Variants in FAT1 observed in about 807,000 individuals in gnomAD.
FAT1 encodes the protein FAT atypical cadherin 1.
FAT1 carries 171 observed loss-of-function variants against 329.8 expected under a neutral mutation model. That is an observed-to-expected ratio of 0.52 (90% CI 0.46 to 0.59). FAT1 has a LOEUF of 0.59. Ranked by LOEUF, FAT1 falls within the 20% of genes least tolerant of loss-of-function variation. The probability of loss-of-function intolerance (pLI) is 0.00; values close to 1 mark genes in which losing one functional copy is unlikely to be tolerated. For missense variants in FAT1, 5,672 were observed against 5,774.4 expected, an observed-to-expected ratio of 0.98 and a Z score of 0.57; for synonymous variants, 2,233 against 2,228.6, an observed-to-expected ratio of 1.00 and a Z score of -0.06.
At chr4:186,711,783 G>C (rs773879038) in intron 1 of FAT1, among the ~76,000 whole-genome samples, 15 of 152,156 alleles carry the variant, frequency 9.9e-5, no homozygotes, top group Admixed American at 2.6e-4. Flanking sequence ...AGCAGGATAT[G>C]GTGGAGCAAG....
intron 2 of FAT1, among the ~76,000 whole-genome samples, chr4:186,696,187 C>A (rs1325514590): frequency 6.6e-6 from 1 of 152,198 alleles, no homozygotes; most frequent in Non-Finnish European, 1.5e-5. Context: ...TTTCTGAAAT[C>A]AACATTCTGC....
In FAT1 at chr4:186,712,757, C is replaced by T. The variant is rs74814572; in HGVS notation, c.-18-2912G>A. 8.7e-4 allele frequency among the ~76,000 whole-genome samples: 133 copies of T among 152,180 alleles called. 1 individual carries two copies. In the East Asian group the frequency reaches 0.018, roughly 21 times the overall value. ...AGAGTGTTCAATATGATTCCTGGTC[C>T]CCACCAGCATGAAGCCTGTGGCATC... On this transcript the variant is annotated intron_variant, in intron 1 of 26. Coordinates refer to ENST00000441802, the MANE Select transcript of FAT1 (RefSeq NM_005245.4).
At chr4:186,632,033 C>A (rs1011055124) in intron 7 of FAT1, among the ~76,000 whole-genome samples, 23 of 152,112 alleles carry the variant, frequency 1.5e-4, no homozygotes, top group Admixed American at 1.3e-3. Context: ...TCTCTGCCAG[C>A]GATTAGGATA....
At chr4:186,690,318 A>G (rs1323043202) in intron 2 of FAT1, among the ~76,000 whole-genome samples, 2 of 152,228 alleles carry the variant, frequency 1.3e-5, no homozygotes, top group African/African-American at 2.4e-5. Flanking sequence ...AGATTCCAGC[A>G]TAGGTAATTT....
intron 20 of FAT1, among the ~76,000 whole-genome samples, chr4:186,602,147 C>G (rs932344862): frequency 4.6e-5 from 7 of 152,178 alleles, no homozygotes; most frequent in Admixed American, 6.5e-5. Flanking sequence ...TTAGATATCA[C>G]TTCACACCCA....
chr4:186,709,294 T>C lies in FAT1; in HGVS notation c.534A>G (p.Ile178Met), dbSNP rs1443155462. Reference sequence around the variant, plus strand: ...TGTAGTAAAATTCCCCGTTGGTTCCTATGTCTGCATCCGTGGCGCTGACTC... The same window carrying C: ...TGTAGTAAAATTCCCCGTTGGTTCCCATGTCTGCATCCGTGGCGCTGACTC... ...IARVSATDAD[I>M]GTNGEFYYSF... The change falls in exon 2 of 27, where the codon ATA becomes ATG. Residue 178 changes from isoleucine (I) to methionine (M), a missense_variant. Transcript: ENST00000441802. 6.2e-7 allele frequency: 1 copy of C among 1,613,924 alleles called. No homozygotes were observed. Among genetic ancestry groups the C allele is most frequent in the Non-Finnish European group, 8.5e-7 (1 of 1,179,912 alleles).
chr4:186,689,209 A>G (rs1380643818), intron 2 of FAT1, among the ~76,000 whole-genome samples: 1 of 152,252 alleles, frequency 6.6e-6, no homozygotes, highest in African/African-American at 2.4e-5. Flanking sequence ...TATCACTTTA[A>G]GATGTCATAT....
At chr4:186,659,112 A>T (rs1742048034) in intron 3 of FAT1, among the ~76,000 whole-genome samples, 1 of 152,002 alleles carries the variant, frequency 6.6e-6, no homozygotes, top group South Asian at 2.1e-4. Flanking sequence ...GTTTGGATAC[A>T]CAAATGTGTT....
intron 1 of FAT1, among the ~76,000 whole-genome samples, chr4:186,718,217 A>G (rs947216643): frequency 6.6e-6 from 1 of 152,062 alleles, no homozygotes; most frequent in African/African-American, 2.4e-5. Context: ...TGTTCTCTTC[A>G]CCTGTTCTCT....
In FAT1 at chr4:186,628,655, T is replaced by A; in HGVS notation, c.4432A>T (p.Ile1478Phe). 3.7e-6 allele frequency: 6 copies of A among 1,613,984 alleles called. No homozygotes were observed. Among genetic ancestry groups the A allele is most frequent in the Non-Finnish European group, 5.1e-6 (6 of 1,179,886 alleles). ...TTCTCATCCTGATCCACAGCACTGATTTGCAAAATTTCTGTTTCTGGCGCT... is the reference window on the plus strand; with the variant it reads ...TTCTCATCCTGATCCACAGCACTGAATTGCAAAATTTCTGTTTCTGGCGCT... ...DTAPETEILQISAVDQDEKNK... is the reference protein window; with the variant it reads ...DTAPETEILQFSAVDQDEKNK... Residue 1478 changes from isoleucine to phenylalanine, a missense_variant, in exon 8 of 27, where the codon ATC (isoleucine) becomes TTC (phenylalanine). Coordinates refer to ENST00000441802, the MANE Select transcript of FAT1 (RefSeq NM_005245.4).
intron 15 of FAT1, 54 bp downstream of exon 15, chr4:186,609,747 T>G (rs1236765307): frequency 2.4e-6 from 3 of 1,266,474 alleles, no homozygotes; most frequent in Non-Finnish European, 3.4e-6. Flanking sequence ...TAAAAACTTT[T>G]GCAAAGATCC....
At chr4:186,607,159 C>A (rs1283876669) in intron 16 of FAT1, among the ~76,000 whole-genome samples, 2 of 152,208 alleles carry the variant, frequency 1.3e-5, no homozygotes, top group African/African-American at 4.8e-5. Context: ...TATCTCCCCC[C>A]AAATTCCTTT....
At position 186,636,914 on chromosome 4, in the gene FAT1, C is replaced by T. The variant is rs2126565430; in HGVS notation, c.3643G>A (p.Val1215Ile). 1.3e-6 allele frequency: 2 copies of T among 1,592,394 alleles called. No homozygotes were observed. The highest frequency in any genetic ancestry group is 1.1e-5 in the South Asian group (1 of 87,580). The change falls in exon 5 of 27, where the codon GTT becomes ATT. Residue 1215 changes from valine (V) to isoleucine (I), a missense_variant and splice_region_variant. Val to Ile is a conservative substitution (Grantham distance 29, BLOSUM62 3). Coordinates refer to ENST00000441802, the MANE Select transcript of FAT1 (RefSeq NM_005245.4). ...REQQDEHILE[V>I]TVTDNGSPPK... Reference sequence around the variant, plus strand: ...GGACTACCATTGTCTGTCACAGTAACCTGTTTTTTTAAAGTTAACAGATTA... The same window carrying T: ...GGACTACCATTGTCTGTCACAGTAATCTGTTTTTTTAAAGTTAACAGATTA...
chr4:186,594,614 C>T (rs897069228), intron 26 of FAT1, among the ~76,000 whole-genome samples: 3 of 140,900 alleles, frequency 2.1e-5, no homozygotes, highest in Non-Finnish European at 3.1e-5. Context: ...ACCATATATA[C>T]GGTATCAAAA....
intron 2 of FAT1, among the ~76,000 whole-genome samples, chr4:186,674,514 A>C (rs772779695): frequency 2.6e-5 from 4 of 152,214 alleles, no homozygotes; most frequent in Non-Finnish European, 4.4e-5. Context: ...GTTAGTGGAA[A>C]AACAGGCAAC....
At chr4:186,721,184 A>G (rs1408971067) in intron 1 of FAT1, among the ~76,000 whole-genome samples, 2 of 152,256 alleles carry the variant, frequency 1.3e-5, no homozygotes, top group African/African-American at 4.8e-5. Flanking sequence ...CACATACATA[A>G]TGAACCCTTG....
intron 3 of FAT1, among the ~76,000 whole-genome samples, chr4:186,653,846 C>G (rs1167110459): frequency 6.6e-6 from 1 of 152,104 alleles, no homozygotes; most frequent in Admixed American, 6.6e-5. Flanking sequence ...ACCCAAAAGC[C>G]CCGTGTGGCC....
chr4:186,681,758 A>G (rs1388464752), intron 2 of FAT1, among the ~76,000 whole-genome samples: 1 of 152,246 alleles, frequency 6.6e-6, no homozygotes, highest in Non-Finnish European at 1.5e-5. Flanking sequence ...CTTTCCCTCC[A>G]GCCCCAAATG....
At chr4:186,631,286 T>C (rs1164203932) in intron 7 of FAT1, among the ~76,000 whole-genome samples, 4 of 141,328 alleles carry the variant, frequency 2.8e-5, no homozygotes, top group East Asian at 2.2e-4. Context: ...TCCCAGCTGA[T>C]CCCTCTGCTC....
Sources: gnomAD v4.1 joint callset for allele counts (sites outside exome capture counted in the v4.1 genomes callset) on GRCh38, gnomAD v4.1.1 for gene constraint, MANE v1.5 for transcripts, NCBI Gene and HGNC (gene_info 2026-07-23, HGNC 2026-07-21) for gene names.